The following COL26A1 variants were observed in gnomAD, a reference collection of about 807,000 sequenced individuals.
COL26A1 encodes the protein collagen type XXVI alpha 1 chain.
A neutral mutation model predicts 59.3 loss-of-function variants in COL26A1; 41 were observed. The ratio of observed to expected loss-of-function variants is 0.69; its 90% CI spans 0.54 to 0.90. The LOEUF (loss-of-function observed/expected upper bound fraction) is 0.90, where lower values mean the gene tolerates loss of function less well. Ranked by LOEUF, COL26A1 falls within the 40% of genes least tolerant of loss-of-function variation. The pLI, the probability that COL26A1 is intolerant of heterozygous loss-of-function variation, is 0.00. For synonymous variants in COL26A1, 266 were observed against 256.0 expected, an observed-to-expected ratio of 1.04 and a Z score of -0.37; for missense variants, 612 against 602.3, an observed-to-expected ratio of 1.02 and a Z score of -0.17.
At chr7:101,409,349 TG>T (rs1383669204) in intron 1 of COL26A1, among the ~76,000 whole-genome samples, 21 of 152,182 alleles carry the variant, frequency 1.4e-4, no homozygotes, top group Non-Finnish European at 2.8e-4. Flanking sequence ...GGATGGAGCA[TG>T]GGGTTGGGAA....
chr7:101,419,088 CCCCTCCCCT>C, intron 1 of COL26A1, among the ~76,000 whole-genome samples: 1 of 109,640 alleles, frequency 9.1e-6, no homozygotes, highest in African/African-American at 3.4e-5. Flanking sequence ...CCCCTCCCCT[CCCCTCCCCT>C]CCCCTCCCCT....
At chr7:101,451,285 GATGTAAATTATGTATTATA>G (rs1282463666) in intron 3 of COL26A1, among the ~76,000 whole-genome samples, 2 of 143,422 alleles carry the variant, frequency 1.4e-5, no homozygotes, top group Non-Finnish European at 3.0e-5. Flanking sequence ...ATTTATATAT[GATGTAAATTATGTATTATA>G]ATGTGAATTA....
At chr7:101,422,658 TTG>T (rs1792551488) in intron 2 of COL26A1, among the ~76,000 whole-genome samples, 1 of 152,092 alleles carries the variant, frequency 6.6e-6, no homozygotes. Flanking sequence ...TTCTTTTTTT[TTG>T]GAGACAGGAT....
At chr7:101,493,823 C>T (rs1794522391) in intron 3 of COL26A1, among the ~76,000 whole-genome samples, 1 of 146,854 alleles carries the variant, frequency 6.8e-6, no homozygotes, top group South Asian at 2.1e-4. Flanking sequence ...GTCCCAGCTA[C>T]TTGGGAGGCT....
chr7:101,400,214 G>A (rs1176018966), intron 1 of COL26A1, among the ~76,000 whole-genome samples: 1 of 152,156 alleles, frequency 6.6e-6, no homozygotes, highest in Non-Finnish European at 1.5e-5. Flanking sequence ...GCCCAGATGT[G>A]GAGAGAGGCA....
At chr7:101,498,552 C>T (rs188633811) in intron 3 of COL26A1, among the ~76,000 whole-genome samples, 1 of 152,210 alleles carries the variant, frequency 6.6e-6, no homozygotes, top group Non-Finnish European at 1.5e-5. Context: ...AGTAAGTGTC[C>T]GATGCCTCTA....
intron 3 of COL26A1, among the ~76,000 whole-genome samples, chr7:101,475,824 CTCTT>C (rs1161846451): frequency 7.0e-6 from 1 of 142,384 alleles, no homozygotes; most frequent in South Asian, 2.2e-4. Flanking sequence ...TTCTTTCTCT[CTCTT>C]TCTCTCTCTC....
In COL26A1 at chr7:101,545,362, G is replaced by A. The variant is rs369648565; in HGVS notation, c.728G>A (p.Arg243His). ...GGGCTCCTGGGGCCTCCAGGGCCCC[G>A]TGGGCTTCCTGGAGAGATGGGGCGC... is the stretch of plus-strand genomic sequence containing the variant. ...PPGLLGPPGPRGLPGEMGRPG... is the reference protein window; with the variant it reads ...PPGLLGPPGPHGLPGEMGRPG... The change falls in exon 7 of 13, where the codon CGT becomes CAT. Residue 243 changes from arginine (R) to histidine (H), a missense_variant. By Grantham distance (29) the Arg-to-His change is conservative (BLOSUM62 0). Coordinates refer to ENST00000313669, the MANE Select transcript of COL26A1 (RefSeq NM_001278563.3). 1.6e-5 allele frequency: 26 copies of A among 1,581,136 alleles called. No homozygotes were observed. The African/African-American group carries it at 1.8e-4, about 11-fold the overall frequency.
intron 3 of COL26A1, among the ~76,000 whole-genome samples, chr7:101,529,661 G>A (rs1195576473): frequency 1.3e-5 from 2 of 152,104 alleles, no homozygotes; most frequent in African/African-American, 4.8e-5. Flanking sequence ...CTACTTATAG[G>A]TGAGAACATG....
intron 3 of COL26A1, among the ~76,000 whole-genome samples, chr7:101,529,735 G>A (rs1795325643): frequency 6.6e-6 from 1 of 152,180 alleles, no homozygotes; most frequent in Admixed American, 6.5e-5. Flanking sequence ...CTGCGTCCAT[G>A]TTGCTGCAAA....
At chr7:101,516,627 G>A (rs1315647056) in intron 3 of COL26A1, among the ~76,000 whole-genome samples, 1 of 152,112 alleles carries the variant, frequency 6.6e-6, no homozygotes, top group African/African-American at 2.4e-5. Flanking sequence ...CAGCCATGCA[G>A]TCTAGTCCCA....
intron 3 of COL26A1, among the ~76,000 whole-genome samples, chr7:101,526,109 C>T (rs1795242610): frequency 1.3e-5 from 2 of 151,770 alleles, no homozygotes; most frequent in Non-Finnish European, 1.5e-5. Context: ...AGTGCAATGG[C>T]GTGATCTCGG....
At chr7:101,518,158 C>A (rs1464059339) in intron 3 of COL26A1, among the ~76,000 whole-genome samples, 1 of 152,108 alleles carries the variant, frequency 6.6e-6, no homozygotes, top group Non-Finnish European at 1.5e-5. Context: ...CTCTGAAAGC[C>A]CCAATGGCCA....
At chr7:101,417,469 T>C (rs1335381301) in intron 1 of COL26A1, among the ~76,000 whole-genome samples, 1 of 151,008 alleles carries the variant, frequency 6.6e-6, no homozygotes, top group Admixed American at 6.6e-5. Context: ...ATACCTACCT[T>C]AGGACAGGTG....
intron 3 of COL26A1, among the ~76,000 whole-genome samples, chr7:101,519,757 A>G (rs1795102014): frequency 6.6e-6 from 1 of 152,208 alleles, no homozygotes; most frequent in Non-Finnish European, 1.5e-5. Flanking sequence ...ATTCTGAGTC[A>G]GTAACTAACG....
chr7:101,474,708 TAA>T (rs1793991779), intron 3 of COL26A1, among the ~76,000 whole-genome samples: 2 of 152,220 alleles, frequency 1.3e-5, no homozygotes, highest in Admixed American at 6.5e-5. Context: ...CATCCATTGC[TAA>T]GTCCATAGTT....
At chr7:101,556,473 G>T (rs190418694) in intron 12 of COL26A1, among the ~76,000 whole-genome samples, 1 of 152,250 alleles carries the variant, frequency 6.6e-6, no homozygotes, top group Non-Finnish European at 1.5e-5. Flanking sequence ...ATGCATGGGT[G>T]GATGCATAGA....
intron 1 of COL26A1, among the ~76,000 whole-genome samples, chr7:101,384,858 G>C (rs1791530035): frequency 6.6e-6 from 1 of 152,120 alleles, no homozygotes; most frequent in Admixed American, 6.6e-5. Flanking sequence ...AAGTAAGGAA[G>C]CCAACAGTGC....
chr7:101,438,228 G>A (rs1034999674), intron 2 of COL26A1, among the ~76,000 whole-genome samples: 2 of 151,422 alleles, frequency 1.3e-5, no homozygotes, highest in African/African-American at 4.8e-5. Flanking sequence ...AGGCGTGGTG[G>A]TGCATGCCTG....
Sources: gnomAD v4.1 joint callset for allele counts (sites outside exome capture counted in the v4.1 genomes callset) on GRCh38, gnomAD v4.1.1 for gene constraint, MANE v1.5 for transcripts, NCBI Gene and HGNC (gene_info 2026-07-23, HGNC 2026-07-21) for gene names.